Variants in IMMP2L observed in about 807,000 individuals in gnomAD.
IMMP2L encodes the protein mitochondrial inner membrane protease subunit 2.
In IMMP2L, 18 loss-of-function variants were observed where a neutral mutation model predicts 19.3. The ratio of observed to expected loss-of-function variants is 0.93; its 90% confidence interval spans 0.64 to 1.38. IMMP2L has a LOEUF of 1.38. Ranked by LOEUF, IMMP2L falls within the 40% of genes most tolerant of loss-of-function variation. IMMP2L has a pLI of 0.00. For synonymous variants in IMMP2L, 76 were observed against 73.0 expected (o/e 1.04, Z -0.21); for missense variants, 233 against 218.2 (o/e 1.07, Z -0.43).
intron 3 of IMMP2L, among the ~76,000 whole-genome samples, chr7:111,140,926 T>C (rs1007127283): frequency 2.0e-5 from 3 of 152,214 alleles, no homozygotes; most frequent in African/African-American, 7.2e-5. Context: ...AGTTTCTTCT[T>C]ACATACTCTG....
chr7:111,310,219 C>T (rs1823359446), intron 3 of IMMP2L, among the ~76,000 whole-genome samples: 2 of 139,632 alleles, frequency 1.4e-5, no homozygotes, highest in Admixed American at 7.4e-5. Context: ...GGCAACAGAG[C>T]GAGACTCCAT....
chr7:111,000,449 A>G (rs1328701942), intron 3 of IMMP2L, among the ~76,000 whole-genome samples: 3 of 152,200 alleles, frequency 2.0e-5, no homozygotes, highest in Admixed American at 2.0e-4. Context: ...AGAAATGACA[A>G]TAAGGTGATA....
chr7:111,031,542 G>A (rs1327524950), intron 3 of IMMP2L, among the ~76,000 whole-genome samples: 2 of 151,958 alleles, frequency 1.3e-5, no homozygotes, highest in African/African-American at 4.8e-5. Context: ...ATAACAAAAA[G>A]TGTAAAATAA....
chr7:111,331,997 C>T (rs201045013), intron 3 of IMMP2L, among the ~76,000 whole-genome samples: 1 of 151,784 alleles, frequency 6.6e-6, no homozygotes, highest in East Asian at 1.9e-4. Context: ...CGGGAAAATA[C>T]ATCATGTGCT....
chr7:111,272,516 CCATTCTGTCTTGTTCAA>C (rs1818574056), intron 3 of IMMP2L, among the ~76,000 whole-genome samples: 2 of 152,192 alleles, frequency 1.3e-5, no homozygotes, highest in African/African-American at 2.4e-5. Flanking sequence ...CCACAAGGAA[CCATTCTGTCTTGTTCAA>C]CATTTTAATC....
chr7:111,474,199 G>T (rs1841519565), intron 3 of IMMP2L, among the ~76,000 whole-genome samples: 1 of 152,050 alleles, frequency 6.6e-6, no homozygotes, highest in African/African-American at 2.4e-5. Context: ...GGGGAAAAAG[G>T]TTGATAAACT....
intron 4 of IMMP2L, among the ~76,000 whole-genome samples, chr7:110,913,964 T>C (rs916558009): frequency 7.9e-5 from 12 of 152,136 alleles, no homozygotes; most frequent in African/African-American, 2.9e-4. Flanking sequence ...TTGCTAATAA[T>C]TTGGCAAACT....
intron 3 of IMMP2L, among the ~76,000 whole-genome samples, chr7:111,065,933 C>T (rs977591631): frequency 2.6e-4 from 39 of 151,458 alleles, no homozygotes; most frequent in South Asian, 6.3e-4. Context: ...TGTATGCGCG[C>T]GCACGCTTGG....
intron 3 of IMMP2L, among the ~76,000 whole-genome samples, chr7:111,227,924 A>T (rs575188295): frequency 6.6e-6 from 1 of 152,152 alleles, no homozygotes; most frequent in Non-Finnish European, 1.5e-5. Flanking sequence ...AACCACTTCT[A>T]CTATTAATCT....
At chr7:111,001,291 A>C (rs1585681386) in intron 3 of IMMP2L, among the ~76,000 whole-genome samples, 1 of 152,324 alleles carries the variant, frequency 6.6e-6, no homozygotes, top group African/African-American at 2.4e-5. Flanking sequence ...ATCTTTCTTT[A>C]AGACAATCTT....
intron 3 of IMMP2L, among the ~76,000 whole-genome samples, chr7:111,291,419 C>T (rs37757): frequency 0.54 from 82,530 of 151,986 alleles, 22,834 homozygotes; most frequent in South Asian, 0.71. Context: ...AAAATACCTA[C>T]CATCCAGTCT....
At chr7:111,288,682 G>A (rs1820758976) in intron 3 of IMMP2L, among the ~76,000 whole-genome samples, 1 of 152,084 alleles carries the variant, frequency 6.6e-6, no homozygotes, top group African/African-American at 2.4e-5. Flanking sequence ...CATCATCACT[G>A]GTCGTTAGAG....
At chr7:111,124,877 G>A (rs1266453151) in intron 3 of IMMP2L, 12 of 1,546,054 alleles carry the variant, frequency 7.8e-6, no homozygotes, top group Non-Finnish European at 9.6e-6. Context: ...ACTGTTATAG[G>A]TTTACCAACA....
At position 110,972,724 on chromosome 7, in the gene IMMP2L, A is replaced by G. The variant is rs114978713; in HGVS notation, c.240-9159T>C. 4.0e-3 allele frequency among the ~76,000 whole-genome samples: 606 copies of G among 152,226 alleles called. 4 individuals carry two copies. Among genetic ancestry groups the G allele is most frequent in the African/African-American group, 0.014 (585 of 41,558 alleles). ...ATCTCACTAGGGTAAACCAAGCCAG[A>G]GAGGTACAGAGCAGTGAGTAGACAG... is the stretch of plus-strand genomic sequence containing the variant. On this transcript the variant is annotated intron_variant, in intron 3 of 5. Coordinates refer to ENST00000405709, the MANE Select transcript of IMMP2L (RefSeq NM_032549.4).
At chr7:111,333,852 G>A (rs887081881) in intron 3 of IMMP2L, among the ~76,000 whole-genome samples, 3 of 152,048 alleles carry the variant, frequency 2.0e-5, no homozygotes, top group Middle Eastern at 3.4e-3. Context: ...GCTTGCAGAT[G>A]GCCTATTGTG....
intron 2 of IMMP2L, among the ~76,000 whole-genome samples, chr7:111,514,853 G>GT (rs150764917): frequency 6.6e-5 from 10 of 151,460 alleles, no homozygotes; most frequent in East Asian, 5.8e-4. Flanking sequence ...GAGGATAAGG[G>GT]TTTTTTTTAA....
chr7:111,256,729 G>T (rs1816739290), intron 3 of IMMP2L, among the ~76,000 whole-genome samples: 1 of 151,984 alleles, frequency 6.6e-6, no homozygotes, highest in South Asian at 2.1e-4. Context: ...AGGGAATCAA[G>T]GTGGCTCTTC....
intron 3 of IMMP2L, among the ~76,000 whole-genome samples, chr7:111,456,439 A>C (rs938449510): frequency 1.3e-5 from 2 of 151,794 alleles, no homozygotes; most frequent in Admixed American, 6.6e-5. Flanking sequence ...TTATAATGAC[A>C]ATCTCAATCA....
intron 4 of IMMP2L, among the ~76,000 whole-genome samples, chr7:110,958,073 G>A (rs1048920580): frequency 5.9e-5 from 9 of 151,928 alleles, no homozygotes; most frequent in African/African-American, 2.2e-4. Context: ...TCAGTGAACT[G>A]ATTAAATGAT....
Sources: allele counts gnomAD v4.1 joint callset (sites outside exome capture counted in the v4.1 genomes callset), GRCh38; gene constraint gnomAD v4.1.1; transcripts MANE v1.5; gene names NCBI Gene and HGNC (gene_info 2026-07-23, HGNC 2026-07-21).